Variants in PTPRZ1 observed in about 807,000 individuals in gnomAD.
PTPRZ1 encodes the protein protein tyrosine phosphatase receptor type Z1.
A neutral mutation model predicts 214.1 loss-of-function variants in PTPRZ1; 82 were observed. The ratio of observed to expected loss-of-function variants is 0.38; its 90% CI spans 0.32 to 0.46. The LOEUF (loss-of-function observed/expected upper bound fraction) is 0.46, where lower values mean the gene tolerates loss of function less well. PTPRZ1 is among the 20% of genes least tolerant of loss of function. The pLI, the probability that PTPRZ1 is intolerant of heterozygous loss-of-function variation, is 1.00. For synonymous variants in PTPRZ1, 945 were observed against 987.9 expected, an observed-to-expected ratio of 0.96 and a Z score of 0.81; for missense variants, 2,603 against 2,748.7, an observed-to-expected ratio of 0.95 and a Z score of 1.19.
At chr7:121,920,738 A>G (rs1366640056) in intron 1 of PTPRZ1, among the ~76,000 whole-genome samples, 1 of 152,214 alleles carries the variant, frequency 6.6e-6, no homozygotes, top group Non-Finnish European at 1.5e-5. Context: ...CTAGTTTAAT[A>G]GAAGCTATCC....
At chr7:121,972,737 T>C in intron 4 of PTPRZ1, 45 bp downstream of exon 4, 5 of 1,372,870 alleles carry the variant, frequency 3.6e-6, no homozygotes, top group Non-Finnish European at 4.9e-6. Context: ...TTCTAAATAA[T>C]TGATGTTTTT....
chr7:121,922,085 G>A (rs558493595), intron 1 of PTPRZ1, among the ~76,000 whole-genome samples: 232 of 152,252 alleles, frequency 1.5e-3, no homozygotes, highest in African/African-American at 5.1e-3. Flanking sequence ...CTCTGTACTC[G>A]TGGGCAAATT....
Position 121,873,767 on chromosome 7 carries a change from C to G in PTPRZ1, c.58+210C>G, listed in dbSNP as rs115317802. 8.4e-3 allele frequency among the ~76,000 whole-genome samples: 1,276 copies of G among 152,136 alleles called. 22 individuals are homozygous for G. Among genetic ancestry groups the G allele is most frequent in the African/African-American group, 0.028 (1,170 of 41,510 alleles). The stretch of plus-strand genomic sequence containing the variant: ...CCCCCTCCCCGCCCCGCGCCCTCGC[C>G]CCTTCCATCGGCCCGCGGGCATTCG... On this transcript the variant is annotated intron_variant, in intron 1 of 29. Transcript: ENST00000393386.
chr7:122,056,705 C>A (rs1012448472), intron 27 of PTPRZ1, among the ~76,000 whole-genome samples: 1 of 151,284 alleles, frequency 6.6e-6, no homozygotes, highest in Non-Finnish European at 1.5e-5. Context: ...TTTTACCCAC[C>A]ATTGACTTTA....
intron 2 of PTPRZ1, among the ~76,000 whole-genome samples, chr7:121,941,230 A>T (rs1381432604): frequency 6.6e-6 from 1 of 152,246 alleles, no homozygotes; most frequent in Non-Finnish European, 1.5e-5. Flanking sequence ...AAAGAGACGT[A>T]GTCATTTGCC....
intron 21 of PTPRZ1, among the ~76,000 whole-genome samples, chr7:122,041,527 TGC>T (rs1799734454): frequency 6.6e-6 from 1 of 152,238 alleles, no homozygotes; most frequent in Admixed American, 6.5e-5. Flanking sequence ...AATTCATTGT[TGC>T]CAAGATTTTT....
intron 25 of PTPRZ1, 140 bp downstream of exon 25, chr7:122,052,079 A>G: frequency 3.3e-6 from 2 of 611,928 alleles, no homozygotes; most frequent in Non-Finnish European, 5.6e-6. Flanking sequence ...GCAAGCCCAC[A>G]GTCCACAGCA....
At chr7:121,877,716 T>C (rs1794104259) in intron 1 of PTPRZ1, among the ~76,000 whole-genome samples, 1 of 152,214 alleles carries the variant, frequency 6.6e-6, no homozygotes, top group Non-Finnish European at 1.5e-5. Flanking sequence ...AATCCCACAA[T>C]GAAAACTTTC....
At chr7:121,905,447 C>A (rs148681107) in intron 1 of PTPRZ1, among the ~76,000 whole-genome samples, 1 of 152,252 alleles carries the variant, frequency 6.6e-6, no homozygotes, top group Non-Finnish European at 1.5e-5. Context: ...CAGTTTCCCA[C>A]TTCAGCTTCA....
At chr7:121,970,889 C>A (rs939653005) in intron 3 of PTPRZ1, among the ~76,000 whole-genome samples, 2 of 152,132 alleles carry the variant, frequency 1.3e-5, no homozygotes, top group Non-Finnish European at 2.9e-5. Flanking sequence ...TGCCTATGTC[C>A]TGAATGGTAT....
chr7:121,899,764 G>A (rs1794903991), intron 1 of PTPRZ1, among the ~76,000 whole-genome samples: 1 of 152,200 alleles, frequency 6.6e-6, no homozygotes, highest in South Asian at 2.1e-4. Flanking sequence ...GATCCCTTGA[G>A]AGAGTATTAC....
chr7:121,945,406 C>T (rs1215818738), intron 2 of PTPRZ1, among the ~76,000 whole-genome samples: 2 of 152,160 alleles, frequency 1.3e-5, no homozygotes, highest in African/African-American at 4.8e-5. Context: ...TGTAGATCAA[C>T]AGCTACTAAA....
At chr7:121,936,981 G>C (rs183954278) in intron 2 of PTPRZ1, among the ~76,000 whole-genome samples, 1 of 152,110 alleles carries the variant, frequency 6.6e-6, no homozygotes, top group Non-Finnish European at 1.5e-5. Context: ...TGAGATAACC[G>C]CTTGACTGAA....
At chr7:121,989,366 C>G (rs1469267513) in intron 8 of PTPRZ1, among the ~76,000 whole-genome samples, 1 of 138,916 alleles carries the variant, frequency 7.2e-6, no homozygotes, top group Admixed American at 8.6e-5. Flanking sequence ...ATACTGTGTT[C>G]CTATGAAAGT....
intron 1 of PTPRZ1, among the ~76,000 whole-genome samples, chr7:121,911,956 C>A (rs1242732363): frequency 1.3e-5 from 2 of 151,416 alleles, no homozygotes; most frequent in Non-Finnish European, 1.5e-5. Flanking sequence ...TAATGAGTTT[C>A]TAATAAAAGT....
At chr7:121,890,033 A>T (rs1794537714) in intron 1 of PTPRZ1, among the ~76,000 whole-genome samples, 1 of 152,114 alleles carries the variant, frequency 6.6e-6, no homozygotes, top group South Asian at 2.1e-4. Flanking sequence ...TGTAGTCCTG[A>T]GAGTTCTTCC....
chr7:122,041,059 C>A, intron 21 of PTPRZ1, 80 bp downstream of exon 21: 1 of 1,243,570 alleles, frequency 8.0e-7, no homozygotes, highest in Non-Finnish European at 1.1e-6. Flanking sequence ...AAAGCTTTTG[C>A]CCAAATGGGA....
At chr7:121,887,732 C>T (rs986332517) in intron 1 of PTPRZ1, among the ~76,000 whole-genome samples, 5 of 152,148 alleles carry the variant, frequency 3.3e-5, no homozygotes, top group Admixed American at 1.3e-4. Context: ...TTCTAAGTAG[C>T]GGTGGGAGAA....
chr7:122,054,304 C>T (rs566416927), intron 26 of PTPRZ1, among the ~76,000 whole-genome samples: 2 of 152,088 alleles, frequency 1.3e-5, no homozygotes, highest in East Asian at 3.9e-4. Context: ...AAATTAGAAT[C>T]ACAGCCATGA....
Sources: gnomAD v4.1 joint callset for allele counts (sites outside exome capture counted in the v4.1 genomes callset) on GRCh38, gnomAD v4.1.1 for gene constraint, MANE v1.5 for transcripts, NCBI Gene and HGNC (gene_info 2026-07-23, HGNC 2026-07-21) for gene names.